The following KCNU1 variants were observed in gnomAD, a reference collection of about 807,000 sequenced individuals.
KCNU1 encodes the protein potassium channel subfamily U member 1.
A neutral mutation model predicts 126.8 loss-of-function variants in KCNU1; 93 were observed. That is an observed-to-expected ratio of 0.73 (90% CI 0.62 to 0.87). The LOEUF (loss-of-function observed/expected upper bound fraction) is 0.87. Ranked by LOEUF, KCNU1 falls within the 40% of genes least tolerant of loss-of-function variation. The pLI is 0.00. For synonymous variants in KCNU1, 523 were observed against 494.2 expected (o/e 1.06, Z -0.77); for missense variants, 1,330 against 1,367.1 (o/e 0.97, Z 0.43).
At chr8:36,934,553 G>T (rs1400797241) in intron 26 of KCNU1, among the ~76,000 whole-genome samples, 1 of 152,064 alleles carries the variant, frequency 6.6e-6, no homozygotes, top group African/African-American at 2.4e-5. Context: ...ATTAATACTT[G>T]ATCTCAGGGG....
At chr8:36,805,139 A>G in intron 3 of KCNU1, 56 bp from the exon 4 acceptor site, 2 of 1,304,560 alleles carry the variant, frequency 1.5e-6, no homozygotes, top group South Asian at 1.2e-5. Context: ...TTGGTCTTAT[A>G]TAGACACCAC....
At chr8:36,855,101 A>G (rs555080741) in intron 18 of KCNU1, among the ~76,000 whole-genome samples, 1 of 152,250 alleles carries the variant, frequency 6.6e-6, no homozygotes, top group East Asian at 1.9e-4. Context: ...CCTCAAGGTC[A>G]GTTAGAGATG....
chr8:36,869,198 A>C (rs1454212278), intron 19 of KCNU1, among the ~76,000 whole-genome samples: 2 of 152,170 alleles, frequency 1.3e-5, no homozygotes, highest in South Asian at 4.1e-4. Context: ...ATCTCAAGTG[A>C]GTAGTGAAAG....
chr8:36,909,247 C>T (rs1342591723), intron 20 of KCNU1, 64 bp from the exon 21 acceptor site: 2 of 959,080 alleles, frequency 2.1e-6, no homozygotes, highest in African/African-American at 1.6e-5. Flanking sequence ...GAAGAGGGGG[C>T]CTACTTGGAG....
At chr8:36,900,515 T>C (rs1807373015) in intron 19 of KCNU1, among the ~76,000 whole-genome samples, 1 of 151,990 alleles carries the variant, frequency 6.6e-6, no homozygotes. Flanking sequence ...GGTATGTGAG[T>C]AGGATCAGGT....
At chr8:36,785,685 T>C (rs1802688198) in intron 1 of KCNU1, among the ~76,000 whole-genome samples, 1 of 152,210 alleles carries the variant, frequency 6.6e-6, no homozygotes, top group African/African-American at 2.4e-5. Context: ...GGTAAATAGC[T>C]ATGATGGATC....
At chr8:36,916,710 G>T (rs542909188) in intron 22 of KCNU1, among the ~76,000 whole-genome samples, 2 of 152,302 alleles carry the variant, frequency 1.3e-5, no homozygotes, top group South Asian at 4.1e-4. Context: ...TGCGAATCCA[G>T]TTAGCCCTCT....
intron 16 of KCNU1, among the ~76,000 whole-genome samples, chr8:36,843,868 C>T (rs1182750870): frequency 6.6e-6 from 1 of 152,166 alleles, no homozygotes; most frequent in African/African-American, 2.4e-5. Context: ...GACCCCATCA[C>T]TTACTGTAAT....
intron 19 of KCNU1, among the ~76,000 whole-genome samples, chr8:36,898,283 C>A (rs1182199426): frequency 1.3e-5 from 2 of 151,632 alleles, no homozygotes. Flanking sequence ...TTGATACCTG[C>A]CCCCTGTATC....
intron 2 of KCNU1, among the ~76,000 whole-genome samples, chr8:36,789,005 A>G (rs1802809178): frequency 6.6e-6 from 1 of 152,192 alleles, no homozygotes; most frequent in Non-Finnish European, 1.5e-5. Context: ...TTAGCCTATA[A>G]CAGCTGGTGA....
At chr8:36,805,166 T>G in intron 3 of KCNU1, 29 bp from the exon 4 acceptor site, 1 of 1,537,830 alleles carries the variant, frequency 6.5e-7, no homozygotes, top group Non-Finnish European at 9.0e-7. Flanking sequence ...AATGTTGATC[T>G]TCACAAACTG....
intron 19 of KCNU1, among the ~76,000 whole-genome samples, chr8:36,897,244 C>T (rs1199502917): frequency 6.6e-6 from 1 of 151,722 alleles, no homozygotes. Context: ...TAGAATCATT[C>T]TCTCTCTCTC....
chr8:36,892,533 T>C (rs1316674249), intron 19 of KCNU1, among the ~76,000 whole-genome samples: 1 of 130,678 alleles, frequency 7.7e-6, no homozygotes, highest in Admixed American at 9.2e-5. Context: ...TTACTGTGTC[T>C]TTGTGTCTCA....
At chr8:36,841,101 A>C in intron 16 of KCNU1, 98 bp downstream of exon 16, 1 of 805,530 alleles carries the variant, frequency 1.2e-6, no homozygotes. Context: ...AGATGCAGCT[A>C]TAACTAAGCT....
intron 23 of KCNU1, 56 bp downstream of exon 23, chr8:36,918,953 T>G: frequency 9.0e-7 from 1 of 1,108,960 alleles, no homozygotes; most frequent in Non-Finnish European, 1.4e-6. Context: ...ATATATAATT[T>G]ATGTTCCAAG....
intron 19 of KCNU1, among the ~76,000 whole-genome samples, chr8:36,881,061 G>A (rs916767053): frequency 1.3e-5 from 2 of 152,086 alleles, no homozygotes; most frequent in Non-Finnish European, 2.9e-5. Flanking sequence ...GGAACATGGT[G>A]CTCCAAGACT....
chr8:36,896,804 T>A (rs959180755), intron 19 of KCNU1, among the ~76,000 whole-genome samples: 1 of 152,054 alleles, frequency 6.6e-6, no homozygotes, highest in Non-Finnish European at 1.5e-5. Context: ...AAAGAGATTA[T>A]AGGAAAACAT....
chr8:36,828,257 A>G (rs1210897884), intron 10 of KCNU1, among the ~76,000 whole-genome samples: 1 of 152,126 alleles, frequency 6.6e-6, no homozygotes, highest in African/African-American at 2.4e-5. Flanking sequence ...TGGTTTACAC[A>G]TAAGCACATT....
At chr8:36,837,695 CT>C (rs1215280789) in intron 14 of KCNU1, among the ~76,000 whole-genome samples, 1 of 152,160 alleles carries the variant, frequency 6.6e-6, no homozygotes, top group Non-Finnish European at 1.5e-5. Context: ...CTAAAAGTGA[CT>C]CTTGGGATAA....
Sources: gnomAD v4.1 joint callset for allele counts (sites outside exome capture counted in the v4.1 genomes callset) on GRCh38, gnomAD v4.1.1 for gene constraint, MANE v1.5 for transcripts, NCBI Gene and HGNC (gene_info 2026-07-23, HGNC 2026-07-21) for gene names.